ECT2L: variants seen among roughly 807,000 people sequenced by gnomAD.
ECT2L encodes epithelial cell-transforming sequence 2 oncogene-like.
In ECT2L, 126 loss-of-function variants were observed where a neutral mutation model predicts 122.8. The ratio of observed to expected loss-of-function variants is 1.03; its 90% CI spans 0.89 to 1.19. ECT2L has a LOEUF of 1.19. ECT2L is among the 50% of genes most tolerant of loss of function. The probability of loss-of-function intolerance (pLI) is 0.00; values close to 1 mark genes in which losing one functional copy is unlikely to be tolerated. For synonymous variants in ECT2L, 385 were observed against 381.8 expected, an observed-to-expected ratio of 1.01 and a Z score of -0.10; for missense variants, 1,012 against 1,064.1, an observed-to-expected ratio of 0.95 and a Z score of 0.68.
chr6:138,862,317 C>G (rs764616276), intron 10 of ECT2L, among the ~76,000 whole-genome samples: 1 of 152,052 alleles, frequency 6.6e-6, no homozygotes, highest in African/African-American at 2.4e-5. Context: ...CTTATAATCA[C>G]GGCAGAAGGT....
intron 1 of ECT2L, among the ~76,000 whole-genome samples, chr6:138,805,435 G>A (rs1361408030): frequency 2.0e-5 from 3 of 152,212 alleles, no homozygotes; most frequent in Admixed American, 1.3e-4. Flanking sequence ...ACCAACACAT[G>A]GCTTTGTCAG....
rs901832100 is a variant in ECT2L at position 138,901,187 on chromosome 6, C to A, written c.2587+67C>A. 4.8e-6 allele frequency: 7 copies of A among 1,471,442 alleles called. No individual in the cohort carries two copies. The Admixed American group carries it at 1.4e-4, about 30-fold the overall frequency. 91.1% of individuals were successfully genotyped at this position (1,471,442 alleles called of 1,614,324 possible). A position where few individuals can be genotyped will look rare whatever the true frequency, so the allele number is the denominator to read the frequency against. ...AGCTATATAATGTAAAGCTCTTTAA[C>A]AGAACAGTAGAAAAAGGACTGGAAT... On this transcript the variant is annotated intron_variant, in intron 21 of 21. Coordinates refer to ENST00000541398, the MANE Select transcript of ECT2L (RefSeq NM_001077706.3).
At chr6:138,855,651 G>C (rs1777587914) in intron 10 of ECT2L, among the ~76,000 whole-genome samples, 1 of 152,186 alleles carries the variant, frequency 6.6e-6, no homozygotes, top group African/African-American at 2.4e-5. Flanking sequence ...CAAAGAGTTG[G>C]ATGGTGTGAT....
chr6:138,835,579 T>C (rs1776806756), intron 4 of ECT2L, among the ~76,000 whole-genome samples: 1 of 151,862 alleles, frequency 6.6e-6, no homozygotes, highest in African/African-American at 2.4e-5. Flanking sequence ...TAGTTAACAG[T>C]TTAATAGCTA....
rs573603373 is a variant in ECT2L, at chr6:138,830,432, A to G, written c.180-7920A>G. ...ATGGGTGTGGCTGTGTTCCAGTAAC[A>G]TTTTGCAAAAAGGGATGTCAAAAAC... On this transcript the variant is annotated intron_variant, in intron 4 of 21. Transcript: ENST00000541398. Among the ~76,000 whole-genome samples, 2 of 152,228 alleles carry G rather than the reference A, an allele frequency of 1.3e-5. 1 individual carries two copies. The highest frequency in any genetic ancestry group is 4.8e-5 in the African/African-American group (2 of 41,542).
chr6:138,876,085 C>T (rs955155738), intron 13 of ECT2L, among the ~76,000 whole-genome samples: 1 of 151,682 alleles, frequency 6.6e-6, no homozygotes, highest in Non-Finnish European at 1.5e-5. Context: ...TGCCATTGCA[C>T]TCCAGCCTGG....
chr6:138,846,540 A>C lies in ECT2L; in HGVS notation c.766A>C (p.Ser256Arg). Residue 256 changes from serine (S) to arginine (R), a missense_variant and splice_region_variant, in exon 8 of 22, where the codon AGC (serine) becomes CGC (arginine). Coordinates refer to ENST00000541398, the MANE Select transcript of ECT2L (RefSeq NM_001077706.3). Reference sequence around the variant, plus strand: ...CTCATATTTCCTTTTACTCCATAGAAGCAATATTTCTGGAAGCCATTCCTA... The same window carrying C: ...CTCATATTTCCTTTTACTCCATAGACGCAATATTTCTGGAAGCCATTCCTA... ...LTSLETLPKR[S>R]NISGSHSYPL... The C allele has an allele frequency of 6.3e-7, 1 of 1,581,638 alleles. No individual in the cohort carries two copies. The highest frequency in any genetic ancestry group is 2.2e-5 in the East Asian group (1 of 44,618).
chr6:138,876,559 G>A lies in ECT2L; in HGVS notation c.1665+1G>A, dbSNP rs1425537516. The A allele has an allele frequency of 6.3e-7, 1 of 1,598,024 alleles. No individual in the cohort carries two copies. The highest frequency in any genetic ancestry group is 1.1e-5 in the South Asian group (1 of 90,224). ...AAATTTTGAAGCACTGATTAATCTGGTAAGCTATTATATAATGTAACTTTA... is the reference window on the plus strand; with the variant it reads ...AAATTTTGAAGCACTGATTAATCTGATAAGCTATTATATAATGTAACTTTA... On this transcript the variant is annotated splice_donor_variant, in intron 14 of 21. Transcript: ENST00000541398. LOFTEE classifies it high-confidence loss of function.
chr6:138,820,464 T>TA (rs1424904031), intron 4 of ECT2L, among the ~76,000 whole-genome samples: 2 of 152,170 alleles, frequency 1.3e-5, no homozygotes, highest in Admixed American at 6.5e-5. Flanking sequence ...AGTGAAAATA[T>TA]AAAAAATCCT....
At chr6:138,881,470 T>C (rs1778643791) in intron 15 of ECT2L, among the ~76,000 whole-genome samples, 1 of 152,004 alleles carries the variant, frequency 6.6e-6, no homozygotes, top group Non-Finnish European at 1.5e-5. Context: ...TGGAAGACAA[T>C]ATTTACACAG....
rs568751780 is a variant in ECT2L, at chr6:138,831,031, G to A, written c.180-7321G>A. On this transcript the variant is annotated intron_variant, in intron 4 of 21. Transcript: ENST00000541398. ...ACATGTCCAAGTATATACAATCGTC[G>A]TAAGCACAATGTGACTATATTCTCT... 3.9e-5 allele frequency among the ~76,000 whole-genome samples: 6 copies of A among 152,248 alleles called. No homozygotes were observed. The South Asian group carries it at 8.3e-4, about 21-fold the overall frequency.
intron 14 of ECT2L, among the ~76,000 whole-genome samples, chr6:138,878,653 G>A (rs1242261201): frequency 6.6e-6 from 1 of 151,716 alleles, no homozygotes; most frequent in Non-Finnish European, 1.5e-5. Context: ...TGCCATGTTG[G>A]TCAGGCTGGT....
chr6:138,803,056 G>A (rs747368018), intron 1 of ECT2L, among the ~76,000 whole-genome samples: 6 of 144,844 alleles, frequency 4.1e-5, no homozygotes, highest in Non-Finnish European at 7.4e-5. Context: ...CAACCTGGGC[G>A]ACACAGAGAG....
chr6:138,900,609 A>C (rs1478499990), intron 20 of ECT2L, among the ~76,000 whole-genome samples: 1 of 152,242 alleles, frequency 6.6e-6, no homozygotes, highest in Non-Finnish European at 1.5e-5. Context: ...AATACATCAA[A>C]GTACCTAACA....
intron 13 of ECT2L, among the ~76,000 whole-genome samples, chr6:138,871,075 G>C (rs919932283): frequency 6.6e-6 from 1 of 152,022 alleles, no homozygotes; most frequent in Non-Finnish European, 1.5e-5. Flanking sequence ...TAGTTCATCA[G>C]GCCAAAAAGA....
chr6:138,895,684 C>A (rs184283213), intron 20 of ECT2L, among the ~76,000 whole-genome samples: 1 of 152,038 alleles, frequency 6.6e-6, no homozygotes, highest in Non-Finnish European at 1.5e-5. Flanking sequence ...GATTCTCATG[C>A]CTCAGCCTCC....
intron 9 of ECT2L, among the ~76,000 whole-genome samples, chr6:138,850,448 A>G (rs990310819): frequency 2.0e-4 from 31 of 152,222 alleles, no homozygotes; most frequent in African/African-American, 7.5e-4. Context: ...CCCGGCTGTG[A>G]CTGGCTTATG....
At chr6:138,818,386 G>A (rs556830678) in intron 4 of ECT2L, among the ~76,000 whole-genome samples, 51 of 152,246 alleles carry the variant, frequency 3.3e-4, no homozygotes, top group African/African-American at 1.2e-3. Flanking sequence ...CAGCCTGTGA[G>A]GGCTCACTTG....
intron 4 of ECT2L, among the ~76,000 whole-genome samples, chr6:138,817,127 T>C (rs1006981473): frequency 6.6e-6 from 1 of 152,244 alleles, no homozygotes; most frequent in Non-Finnish European, 1.5e-5. Flanking sequence ...CACATGTCAG[T>C]ACTTCTTTCC....
Sources: allele counts gnomAD v4.1 joint callset (sites outside exome capture counted in the v4.1 genomes callset), GRCh38; gene constraint gnomAD v4.1.1; transcripts MANE v1.5; gene names NCBI Gene and HGNC (gene_info 2026-07-23, HGNC 2026-07-21).